MARK2: variants seen among roughly 807,000 people sequenced by gnomAD.
MARK2 encodes the protein microtubule affinity regulating kinase 2.
A neutral mutation model predicts 89.8 loss-of-function variants in MARK2; 16 were observed. That is an observed-to-expected ratio of 0.18 (90% confidence interval 0.12 to 0.27). The LOEUF (loss-of-function observed/expected upper bound fraction) is 0.27. Among genes scored for constraint, MARK2 ranks in the 10% least tolerant of loss-of-function variants. The pLI is 1.00. For synonymous variants in MARK2, 382 were observed against 399.5 expected (o/e 0.96, Z 0.52); for missense variants, 621 against 1,049.9 (o/e 0.59, Z 5.65).
intron 1 of MARK2, among the ~76,000 whole-genome samples, chr11:63,840,127 C>T (rs2015934650): frequency 6.6e-6 from 1 of 152,150 alleles, no homozygotes; most frequent in African/African-American, 2.4e-5. Flanking sequence ...ATTGTGCTCT[C>T]CCTCTTGCTT....
At chr11:63,907,504 TC>T (rs1941440130) in intron 17 of MARK2, among the ~76,000 whole-genome samples, 1 of 152,208 alleles carries the variant, frequency 6.6e-6, no homozygotes, top group East Asian at 1.9e-4. Context: ...ACACCCATCT[TC>T]CAGCCAGGAG....
intron 1 of MARK2, among the ~76,000 whole-genome samples, chr11:63,847,242 A>G (rs1274939432): frequency 1.3e-5 from 2 of 152,224 alleles, no homozygotes; most frequent in Non-Finnish European, 2.9e-5. Flanking sequence ...GAAAATGGCA[A>G]AAAGGGCAAA....
chr11:63,894,348 C>T (rs7110843), intron 1 of MARK2, among the ~76,000 whole-genome samples: 74,124 of 152,038 alleles, frequency 0.49, 20,142 homozygotes, highest in East Asian at 0.88. Context: ...GACTCGGGTT[C>T]GACTTCGGCC....
Position 63,902,414 on chromosome 11 carries a change from T to C in MARK2, c.1234+84T>C. On this transcript the variant is annotated intron_variant, in intron 12 of 18. Transcript: ENST00000402010. The surrounding 1 kb of genome is among the most constrained non-coding windows in gnomAD (Gnocchi z 4.2). ...TCTGTGGGGACTTGGGTAACACAAC[T>C]AAGTTTCAGTCCTGGTTCAGCCACT... The C allele has an allele frequency of 6.4e-7, 1 of 1,558,514 alleles. No homozygotes were observed. The highest frequency in any genetic ancestry group is 8.8e-7 in the Non-Finnish European group (1 of 1,133,778).
At chr11:63,882,549 A>G (rs1027737625) in intron 1 of MARK2, 1 of 152,200 alleles carries the variant, frequency 6.6e-6, no homozygotes, top group Non-Finnish European at 1.5e-5. Flanking sequence ...ACGCCATTGC[A>G]TTCCAGCCTG....
intron 1 of MARK2, among the ~76,000 whole-genome samples, chr11:63,845,642 T>A (rs544642563): frequency 1.3e-5 from 2 of 152,186 alleles, no homozygotes; most frequent in South Asian, 4.1e-4. Context: ...TATCCCCAGG[T>A]TAACCCTGAA....
rs545845127 is a variant in MARK2, at chr11:63,902,424, T to C, written c.1234+94T>C. 566 of 1,545,458 alleles carry C rather than the reference T, an allele frequency of 3.7e-4. 1 individual carries two copies. The highest frequency in any genetic ancestry group is 4.7e-4 in the Non-Finnish European group (533 of 1,124,328). ...CTTGGGTAACACAACTAAGTTTCAG[T>C]CCTGGTTCAGCCACTTATTAGTAGT... On this transcript the variant is annotated intron_variant, in intron 12 of 18. Transcript: ENST00000402010. The surrounding 1 kb of genome is among the most constrained non-coding windows in gnomAD (Gnocchi z 4.2).
Position 63,898,651 on chromosome 11 carries a change from T to C in MARK2, c.381T>C (p.Leu127=), listed in dbSNP as rs1940617932. ...EVIETEKTLY[L]VMEYASGGEV... is the part of the protein sequence containing the mutation. ...TTGAGACTGAGAAAACGCTCTACCT[T>C]GTCATGGAGTACGCTAGTGGCGGTA... is the stretch of plus-strand genomic sequence containing the variant. Residue 127 remains leucine (L), a synonymous_variant, in exon 5 of 19, where the codon CTT becomes CTC. Transcript: ENST00000402010. The C allele has an allele frequency of 1.9e-6, 3 of 1,614,172 alleles. No individual in the cohort carries two copies. The highest frequency in any genetic ancestry group is 2.5e-6 in the Non-Finnish European group (3 of 1,179,978).
chr11:63,907,661 C>G (rs564665762), intron 17 of MARK2, among the ~76,000 whole-genome samples: 6 of 151,822 alleles, frequency 4.0e-5, no homozygotes, highest in Admixed American at 2.0e-4. Context: ...TGGGAAAGGT[C>G]GGAGGAGGCC....
At position 63,904,682 on chromosome 11, in the gene MARK2, C is replaced by A; in HGVS notation, c.1677-104C>A. The A allele has an allele frequency of 1.1e-6, 1 of 935,754 alleles. No individual in the cohort carries two copies. The highest frequency in any genetic ancestry group is 1.7e-6 in the Non-Finnish European group (1 of 582,608). 58.0% of individuals were successfully genotyped at this position (935,754 alleles called of 1,614,324 possible). ...GTGTCCTCGTGATGGCTGCCTCTGC[C>A]CTAGCATCCCCCTCCCTGTCCCCAC... On this transcript the variant is annotated intron_variant, in intron 15 of 18. Transcript: ENST00000402010. This position sits in a 1 kb window ranked among gnomAD's most constrained non-coding sequence, Gnocchi z 6.3.
At chr11:63,858,476 C>T (rs1027353239) in intron 1 of MARK2, among the ~76,000 whole-genome samples, 2 of 152,170 alleles carry the variant, frequency 1.3e-5, no homozygotes, top group African/African-American at 4.8e-5. Context: ...GCCTCAGCCT[C>T]TTGAGTAGCT....
chr11:63,885,013 G>T (rs1321044582), intron 1 of MARK2, among the ~76,000 whole-genome samples: 1 of 152,092 alleles, frequency 6.6e-6, no homozygotes, highest in African/African-American at 2.4e-5. Context: ...GACCAGCCTG[G>T]GCAACATGGA....
chr11:63,893,452 C>T (rs950181448), intron 1 of MARK2, among the ~76,000 whole-genome samples: 1 of 122,004 alleles, frequency 8.2e-6, no homozygotes, highest in Admixed American at 8.8e-5. Context: ...GTTCATCCAG[C>T]TGATGGGCAT....
Position 63,900,821 on chromosome 11 carries a change from T to A in MARK2, c.930T>A (p.Asp310Glu), listed in dbSNP as rs779182082. The change falls in exon 10 of 19, where the codon GAT becomes GAA. Residue 310 changes from aspartate to glutamate, a missense_variant. Asp to Glu is a conservative substitution (Grantham distance 45). Around this residue, in one of 5 missense-constraint regions of MARK2, gnomAD observed 397 missense variants for 567.8 expected, o/e 0.70. Coordinates refer to ENST00000402010, the MANE Select transcript of MARK2 (RefSeq NM_001039469.3). This position sits in a 1 kb window ranked among gnomAD's most constrained non-coding sequence, Gnocchi z 4.7. ...GATGGATGAATGTGGGTCACGAAGATGATGAACTAAAGCCTTACGTGGAGC... is the reference window on the plus strand; with the variant it reads ...GATGGATGAATGTGGGTCACGAAGAAGATGAACTAAAGCCTTACGTGGAGC... ...KDRWMNVGHE[D>E]DELKPYVEPL... is the part of the protein sequence containing the mutation. 3.7e-6 allele frequency: 6 copies of A among 1,614,010 alleles called. No individual in the cohort carries two copies. Among genetic ancestry groups the A allele is most frequent in the Non-Finnish European group, 5.1e-6 (6 of 1,180,020 alleles).
In MARK2 at chr11:63,851,909, A is replaced by G. The variant is rs116377270; in HGVS notation, c.54+12349A>G. 4.3e-3 allele frequency among the ~76,000 whole-genome samples: 650 copies of G among 152,348 alleles called. 7 individuals are homozygous for G. Among genetic ancestry groups the G allele is most frequent in the African/African-American group, 0.015 (624 of 41,578 alleles). ...TTGCCTCTAACCCATCAGGAATGCC[A>G]TAAGTATAGACCCTGTCTTGGGAGA... On this transcript the variant is annotated intron_variant, in intron 1 of 18. Coordinates refer to ENST00000402010, the MANE Select transcript of MARK2 (RefSeq NM_001039469.3).
chr11:63,906,481 A>T (rs577198279), intron 17 of MARK2, among the ~76,000 whole-genome samples: 1 of 65,358 alleles, frequency 1.5e-5, no homozygotes, highest in African/African-American at 6.0e-5. Flanking sequence ...CACCCACCCC[A>T]CCCCACCCCC....
chr11:63,865,762 G>T (rs1168252432), intron 1 of MARK2, among the ~76,000 whole-genome samples: 4 of 152,190 alleles, frequency 2.6e-5, no homozygotes, highest in Non-Finnish European at 5.9e-5. Context: ...TGGCACTGTT[G>T]GGGTGGTTTT....
intron 1 of MARK2, among the ~76,000 whole-genome samples, chr11:63,891,337 G>A (rs1939839611): frequency 6.6e-6 from 1 of 152,176 alleles, no homozygotes. Flanking sequence ...GCTTATCTCC[G>A]ACATCTACAG....
intron 1 of MARK2, among the ~76,000 whole-genome samples, chr11:63,855,926 A>T (rs1038566955): frequency 6.6e-6 from 1 of 151,900 alleles, no homozygotes; most frequent in Non-Finnish European, 1.5e-5. Flanking sequence ...TAGCATAAAC[A>T]TGTGGATTTA....
Sources: allele counts gnomAD v4.1 joint callset (sites outside exome capture counted in the v4.1 genomes callset), GRCh38; gene constraint gnomAD v4.1.1; regional missense constraint gnomAD v4.1.1; non-coding constraint Gnocchi (gnomAD v3.1); transcripts MANE v1.5; gene names NCBI Gene and HGNC (gene_info 2026-07-23, HGNC 2026-07-21).